Variants in ITGA9 observed in about 807,000 individuals in gnomAD.
ITGA9 encodes integrin subunit alpha 9.
ITGA9 carries 56 observed loss-of-function variants against 127.8 expected under a neutral mutation model. That is an observed-to-expected ratio of 0.44 (90% CI 0.35 to 0.55). The LOEUF (loss-of-function observed/expected upper bound fraction) is 0.55. ITGA9 is among the 20% of genes least tolerant of loss of function. The pLI is 0.00. For missense variants in ITGA9, 1,196 were observed against 1,347.1 expected (o/e 0.89, Z 1.76); for synonymous variants, 508 against 514.5 (o/e 0.99, Z 0.17).
intron 23 of ITGA9, among the ~76,000 whole-genome samples, chr3:37,776,140 A>C (rs1222679702): frequency 6.6e-6 from 1 of 152,238 alleles, no homozygotes; most frequent in South Asian, 2.1e-4. Context: ...ATGAGAACTC[A>C]TGAACACAAA....
intron 16 of ITGA9, among the ~76,000 whole-genome samples, chr3:37,651,553 C>G (rs902224860): frequency 6.6e-6 from 1 of 152,224 alleles, no homozygotes; most frequent in Admixed American, 6.5e-5. Flanking sequence ...CAGTACAGTG[C>G]CCCCTGCAAT....
chr3:37,768,210 T>C (rs907587275), intron 23 of ITGA9, among the ~76,000 whole-genome samples: 2 of 152,194 alleles, frequency 1.3e-5, no homozygotes, highest in African/African-American at 4.8e-5. Context: ...TGAAGGGCTC[T>C]TTAAGGCTGC....
At chr3:37,651,405 T>C (rs551428216) in intron 16 of ITGA9, among the ~76,000 whole-genome samples, 3 of 152,304 alleles carry the variant, frequency 2.0e-5, no homozygotes, top group Non-Finnish European at 4.4e-5. Flanking sequence ...TGGTATTGGC[T>C]CTAAGCTGGG....
At chr3:37,685,128 T>C (rs912440756) in intron 18 of ITGA9, among the ~76,000 whole-genome samples, 4 of 152,178 alleles carry the variant, frequency 2.6e-5, no homozygotes, top group Admixed American at 6.5e-5. Context: ...TCACTTTCTG[T>C]GGAAAACCTT....
chr3:37,523,436 AG>A, intron 11 of ITGA9, 84 bp from the exon 12 acceptor site: 1 of 1,032,830 alleles, frequency 9.7e-7, no homozygotes, highest in Middle Eastern at 2.0e-4. Flanking sequence ...CAAGTGTCCT[AG>A]GGAAGCTGGA....
chr3:37,737,297 G>T (rs1696375466), intron 20 of ITGA9, among the ~76,000 whole-genome samples: 1 of 152,208 alleles, frequency 6.6e-6, no homozygotes, highest in African/African-American at 2.4e-5. Flanking sequence ...GTTCCCACTT[G>T]GCTGTGTATT....
intron 2 of ITGA9, among the ~76,000 whole-genome samples, chr3:37,471,883 A>G (rs529958067): frequency 8.5e-5 from 13 of 152,200 alleles, no homozygotes; most frequent in African/African-American, 2.6e-4. Flanking sequence ...GTGAAAGCCT[A>G]TCTCTACTAA....
Position 37,779,965 on chromosome 3 carries a change from GAAGA to G in ITGA9, c.2735_2738del (p.Glu912ValfsTer4). ...CTGTAACTTTAGTGCTCTTGCTAAAGAAGAAAGTCGTACTATAGACATTTACATG... is the reference window on the plus strand; with the variant it reads ...CTGTAACTTTAGTGCTCTTGCTAAAGAAGTCGTACTATAGACATTTACATG... On this transcript the variant is annotated frameshift_variant, in exon 25 of 28. Coordinates refer to ENST00000264741, the MANE Select transcript of ITGA9 (RefSeq NM_002207.3). LOFTEE classifies it high-confidence loss of function. The G allele has an allele frequency of 6.2e-7, 1 of 1,614,004 alleles. No individual in the cohort carries two copies. Among genetic ancestry groups the G allele is most frequent in the South Asian group, 1.1e-5 (1 of 91,080 alleles).
rs1237556157 is a variant in ITGA9 at position 37,814,211 on chromosome 3, G to T, written c.3010-4680G>T. Among the ~76,000 whole-genome samples, 1 of 152,120 alleles carries T rather than the reference G, an allele frequency of 6.6e-6. No homozygotes were observed. The highest frequency in any genetic ancestry group is 1.5e-5 in the Non-Finnish European group (1 of 68,030). ...TCATGATGTTTCAGGGCTGGAAGAG[G>T]TCTGAGAATCCCATTGATCTCTTAG... On this transcript the variant is annotated intron_variant, in intron 27 of 27. Coordinates refer to ENST00000264741, the MANE Select transcript of ITGA9 (RefSeq NM_002207.3). The surrounding 1 kb of genome is among the most constrained non-coding windows in gnomAD (Gnocchi z 4.3).
intron 13 of ITGA9, among the ~76,000 whole-genome samples, chr3:37,531,749 A>G (rs901011081): frequency 6.6e-6 from 1 of 152,184 alleles, no homozygotes; most frequent in Non-Finnish European, 1.5e-5. Context: ...CTTATTTAAC[A>G]AGGGTGTTTG....
At chr3:37,705,021 G>A (rs2125674899) in intron 18 of ITGA9, among the ~76,000 whole-genome samples, 1 of 152,286 alleles carries the variant, frequency 6.6e-6, no homozygotes, top group African/African-American at 2.4e-5. Context: ...TGATTTCAGA[G>A]GTCTAAAGGT....
intron 16 of ITGA9, among the ~76,000 whole-genome samples, chr3:37,648,812 A>T (rs78855817): frequency 6.6e-6 from 1 of 152,194 alleles, no homozygotes; most frequent in Non-Finnish European, 1.5e-5. Context: ...TATAAAGGTG[A>T]TGAGTAAATA....
At chr3:37,590,980 G>A (rs955059259) in intron 15 of ITGA9, among the ~76,000 whole-genome samples, 2 of 152,144 alleles carry the variant, frequency 1.3e-5, no homozygotes, top group Non-Finnish European at 2.9e-5. Flanking sequence ...GGAAGTCCTC[G>A]CCTCTGCTGT....
rs537518391 is a variant in ITGA9, at chr3:37,810,885, G to T, written c.3009+6943G>T. Among the ~76,000 whole-genome samples, 7 of 152,380 alleles carry T rather than the reference G, an allele frequency of 4.6e-5. No individual in the cohort carries two copies. The East Asian group carries it at 5.8e-4, about 13-fold the overall frequency. ...CAGAAAGCCCTTATCGTGTCAGCAA[G>T]TGTCTTTTCCAGAGCTGAGCTCCAG... On this transcript the variant is annotated intron_variant, in intron 27 of 27. Transcript: ENST00000264741.
intron 3 of ITGA9, among the ~76,000 whole-genome samples, chr3:37,475,293 G>A (rs555239692): frequency 9.2e-5 from 14 of 152,356 alleles, no homozygotes; most frequent in Non-Finnish European, 1.6e-4. Flanking sequence ...TGGTGGCCCC[G>A]TGGCAGCATA....
chr3:37,779,414 G>A (rs894581847), intron 24 of ITGA9, among the ~76,000 whole-genome samples: 9 of 152,066 alleles, frequency 5.9e-5, no homozygotes, highest in South Asian at 4.2e-4. Context: ...CGAGATTTAC[G>A]TCTCTATTGT....
At chr3:37,669,969 C>T (rs1045671405) in intron 17 of ITGA9, among the ~76,000 whole-genome samples, 1 of 152,124 alleles carries the variant, frequency 6.6e-6, no homozygotes, top group Non-Finnish European at 1.5e-5. Flanking sequence ...CAGTTACAGT[C>T]ATAAGCCTTT....
chr3:37,734,640 C>A (rs576718481), intron 19 of ITGA9, among the ~76,000 whole-genome samples: 8 of 152,292 alleles, frequency 5.3e-5, no homozygotes, highest in Non-Finnish European at 1.2e-4. Flanking sequence ...CAGGTGCCCA[C>A]CACCATGCCC....
chr3:37,549,911 A>G (rs267530), intron 15 of ITGA9, among the ~76,000 whole-genome samples: 67,541 of 152,088 alleles, frequency 0.44, 15,889 homozygotes, highest in East Asian at 0.72. Context: ...TTAGTATTAA[A>G]GAATGTAGTA....
Sources: allele counts gnomAD v4.1 joint callset (sites outside exome capture counted in the v4.1 genomes callset), GRCh38; gene constraint gnomAD v4.1.1; non-coding constraint Gnocchi (gnomAD v3.1); transcripts MANE v1.5; gene names NCBI Gene and HGNC (gene_info 2026-07-23, HGNC 2026-07-21).